Variants in XKR4 observed in about 807,000 individuals in gnomAD.
XKR4 encodes XK related 4, also known as XK-related protein 4.
In XKR4, 12 loss-of-function variants were observed where a neutral mutation model predicts 53.9. The ratio of observed to expected loss-of-function variants is 0.22; its 90% confidence interval spans 0.14 to 0.36. The LOEUF is 0.36. Among genes scored for constraint, XKR4 ranks in the 10% least tolerant of loss-of-function variants. The probability of loss-of-function intolerance (pLI) is 1.00; values close to 1 mark genes in which losing one functional copy is unlikely to be tolerated. For missense variants in XKR4, 799 were observed against 859.5 expected (o/e 0.93, Z 0.88); for synonymous variants, 354 against 362.4 (o/e 0.98, Z 0.26).
chr8:55,400,080 G>A (rs758445146), intron 2 of XKR4, among the ~76,000 whole-genome samples: 1 of 152,192 alleles, frequency 6.6e-6, no homozygotes, highest in Non-Finnish European at 1.5e-5. Context: ...GTTCAGAAAG[G>A]TGGAAATCTC....
intron 1 of XKR4, among the ~76,000 whole-genome samples, chr8:55,195,930 T>C (rs1817499115): frequency 1.3e-5 from 2 of 152,138 alleles, no homozygotes; most frequent in South Asian, 4.1e-4. Context: ...CTTAGGAATT[T>C]ATGGTTTTAT....
Position 55,459,701 on chromosome 8 carries a change from G to A in XKR4, c.1007-63580G>A, listed in dbSNP as rs145344018. On this transcript the variant is annotated intron_variant, in intron 2 of 2. Transcript: ENST00000327381. ...ATGAAAAGATACTAAACATCTTTTA[G>A]TAACTAGGGAAAAGTAAATTAAAAG... 5.9e-3 allele frequency among the ~76,000 whole-genome samples: 901 copies of A among 152,162 alleles called. 9 individuals carry two copies. The highest frequency in any genetic ancestry group is 0.02 in the African/African-American group (840 of 41,542).
At chr8:55,325,357 C>T (rs530739913) in intron 1 of XKR4, among the ~76,000 whole-genome samples, 14 of 152,118 alleles carry the variant, frequency 9.2e-5, no homozygotes, top group East Asian at 7.7e-4. Context: ...TTTGAATGGG[C>T]GTCAGGGCTT....
intron 1 of XKR4, among the ~76,000 whole-genome samples, chr8:55,289,495 G>A (rs1254271382): frequency 1.1e-4 from 16 of 147,616 alleles, no homozygotes; most frequent in Admixed American, 7.5e-4. Flanking sequence ...AGCCTGGGAG[G>A]CAGAGTGAGA....
At chr8:55,388,588 C>G (rs751842697) in intron 2 of XKR4, among the ~76,000 whole-genome samples, 4 of 152,204 alleles carry the variant, frequency 2.6e-5, no homozygotes, top group Non-Finnish European at 5.9e-5. Flanking sequence ...AGAGGGGAAG[C>G]AAGCTCCCTC....
intron 1 of XKR4, among the ~76,000 whole-genome samples, chr8:55,115,666 C>T (rs144425454): frequency 0.03 from 4,486 of 152,018 alleles, 102 homozygotes; most frequent in African/African-American, 0.058. Context: ...ACCTGTAGTC[C>T]CAGCTACTCT....
intron 1 of XKR4, among the ~76,000 whole-genome samples, chr8:55,165,815 A>AG (rs1817057508): frequency 1.3e-5 from 2 of 151,892 alleles, no homozygotes; most frequent in South Asian, 4.2e-4. Context: ...AAAAAAAAAA[A>AG]AAAGAAAAAA....
chr8:55,376,435 A>T (rs1200756534), intron 2 of XKR4, among the ~76,000 whole-genome samples: 5 of 152,142 alleles, frequency 3.3e-5, no homozygotes, highest in African/African-American at 1.2e-4. Flanking sequence ...TTGGCATGAG[A>T]TAGTATCTCA....
At chr8:55,378,009 T>A (rs766542402) in intron 2 of XKR4, among the ~76,000 whole-genome samples, 5 of 152,240 alleles carry the variant, frequency 3.3e-5, no homozygotes, top group Non-Finnish European at 7.3e-5. Flanking sequence ...ACCAATCAGA[T>A]GCTGTCTTCA....
chr8:55,270,578 G>A (rs6985212), intron 1 of XKR4, among the ~76,000 whole-genome samples: 114,201 of 152,146 alleles, frequency 0.75, 46,116 homozygotes, highest in Non-Finnish European at 0.91. Flanking sequence ...GTGTAACATA[G>A]TGTTTAGAAC....
intron 1 of XKR4, among the ~76,000 whole-genome samples, chr8:55,109,773 A>C (rs1213338994): frequency 6.6e-6 from 1 of 152,216 alleles, no homozygotes; most frequent in African/African-American, 2.4e-5. Context: ...GCATCTGTAT[A>C]CATGTATACT....
Position 55,357,741 on chromosome 8 carries a change from G to T in XKR4, c.870G>T (p.Arg290Ser), listed in dbSNP as rs914200471. The T allele has an allele frequency of 5.0e-6, 8 of 1,614,092 alleles. No individual in the cohort carries two copies. In the African/African-American group the frequency reaches 9.3e-5, roughly 19 times the overall value. ...SRQSGENDRW[R>S]FYWKMVYEYA... ...AGAGTGGGGAGAATGACAGATGGAG[G>T]TTTTACTGGAAAATGGTATATGAGT... Residue 290 changes from arginine to serine, a missense_variant, in exon 2 of 3, where the codon AGG becomes AGT. Arg to Ser is a moderately radical substitution (Grantham distance 110). This residue lies in a region of XKR4 where 476 missense variants were observed against 505.4 expected (regional missense o/e 0.94). Coordinates refer to ENST00000327381, the MANE Select transcript of XKR4 (RefSeq NM_052898.2).
intron 1 of XKR4, among the ~76,000 whole-genome samples, chr8:55,104,486 C>T (rs1427709720): frequency 2.0e-5 from 3 of 152,136 alleles, no homozygotes; most frequent in South Asian, 2.1e-4. Flanking sequence ...TTGACTATGC[C>T]GAAGTATCAC....
intron 1 of XKR4, among the ~76,000 whole-genome samples, chr8:55,118,606 C>T (rs1383245664): frequency 6.6e-6 from 1 of 152,178 alleles, no homozygotes; most frequent in African/African-American, 2.4e-5. Context: ...TCAGATACAG[C>T]TAGTCTTTGT....
intron 2 of XKR4, among the ~76,000 whole-genome samples, chr8:55,390,779 C>A (rs986829157): frequency 6.6e-6 from 1 of 152,174 alleles, no homozygotes; most frequent in African/African-American, 2.4e-5. Context: ...GTGGCCTTGA[C>A]AATGACTTTG....
rs986250830 is a variant in XKR4 at position 55,535,914 on chromosome 8, C to A, written c.*11687C>A. 2 of 152,206 alleles carry A rather than the reference C, an allele frequency of 1.3e-5. No individual in the cohort carries two copies. The highest frequency in any genetic ancestry group is 2.9e-5 in the Non-Finnish European group (2 of 68,052). The allele number at this position is 152,206 out of a possible 1,614,324, so 9.4% of individuals were successfully genotyped here. A position where few individuals can be genotyped will look rare whatever the true frequency, so the allele number is the denominator to read the frequency against. On this transcript the variant is annotated 3_prime_UTR_variant, in exon 3 of 3. Transcript: ENST00000327381. ...TGACCACTGGTCCCTATGGGCTCTG[C>A]AGGAGAGCTTCTCGTGGGTTCTAAG...
chr8:55,337,953 C>T (rs1318191892), intron 1 of XKR4, among the ~76,000 whole-genome samples: 3 of 152,158 alleles, frequency 2.0e-5, no homozygotes, highest in African/African-American at 7.2e-5. Context: ...AAGGGTCTTC[C>T]TTTTGCTATG....
chr8:55,443,839 CAA>C (rs1159375100), intron 2 of XKR4, among the ~76,000 whole-genome samples: 2 of 21,664 alleles, frequency 9.2e-5, no homozygotes, highest in Non-Finnish European at 1.6e-4. Flanking sequence ...AACTCCGTCT[CAA>C]AAAAAAAAAA....
chr8:55,454,235 G>C (rs1411823411), intron 2 of XKR4: 1 of 1,149,834 alleles, frequency 8.7e-7, no homozygotes, highest in African/African-American at 1.5e-5. Context: ...GATGGTCACC[G>C]TCTCTCCATC....
Sources: gnomAD v4.1 joint callset for allele counts (sites outside exome capture counted in the v4.1 genomes callset) on GRCh38, gnomAD v4.1.1 for gene constraint, gnomAD v4.1.1 regional missense constraint, MANE v1.5 for transcripts, NCBI Gene and HGNC (gene_info 2026-07-23, HGNC 2026-07-21) for gene names.